PTPRU: variants seen among roughly 807,000 people sequenced by gnomAD.
PTPRU encodes the protein protein tyrosine phosphatase receptor type U.
A neutral mutation model predicts 166.3 loss-of-function variants in PTPRU; 69 were observed. The observed-to-expected ratio is 0.41, with a 90% CI of 0.34 to 0.51. The LOEUF (loss-of-function observed/expected upper bound fraction) is 0.51. PTPRU is among the 20% of genes least tolerant of loss of function. The pLI is 0.09. For missense variants in PTPRU, 1,657 were observed against 2,013.7 expected, an observed-to-expected ratio of 0.82 and a Z score of 3.39; for synonymous variants, 793 against 814.0, an observed-to-expected ratio of 0.97 and a Z score of 0.44.
At chr1:29,299,440 C>T (rs1235197681) in intron 15 of PTPRU, among the ~76,000 whole-genome samples, 1 of 152,162 alleles carries the variant, frequency 6.6e-6, no homozygotes, top group East Asian at 1.9e-4. Flanking sequence ...GACCTGTCCT[C>T]TCTGGGCCCA....
chr1:29,253,894 A>G (rs111292614), intron 1 of PTPRU, among the ~76,000 whole-genome samples: 104 of 152,230 alleles, frequency 6.8e-4, no homozygotes, highest in African/African-American at 2.4e-3. Flanking sequence ...TAAGTGGGCT[A>G]CTACATCAAA....
In PTPRU at chr1:29,280,899, T is replaced by C. The variant is rs563333288; in HGVS notation, c.1868+758T>C. ...TCATGGCAGCCCTGTGGCATGGGTATTATTACCTTCATTTTACATATCGGG... is the reference window on the plus strand; with the variant it reads ...TCATGGCAGCCCTGTGGCATGGGTACTATTACCTTCATTTTACATATCGGG... On this transcript the variant is annotated intron_variant, in intron 11 of 29. Coordinates refer to ENST00000373779, the MANE Select transcript of PTPRU (RefSeq NM_133178.4). This position sits in a 1 kb window ranked among gnomAD's most constrained non-coding sequence, Gnocchi z 4.2. Among the ~76,000 whole-genome samples, 3 of 152,244 alleles carry C rather than the reference T, an allele frequency of 2.0e-5. No homozygotes were observed. The highest frequency in any genetic ancestry group is 2.0e-4 in the Admixed American group (3 of 15,298).
chr1:29,267,704 C>T (rs1685365421), intron 7 of PTPRU, among the ~76,000 whole-genome samples: 1 of 152,064 alleles, frequency 6.6e-6, no homozygotes, highest in Admixed American at 6.5e-5. Flanking sequence ...GACTTAGAGC[C>T]GTTGTACACA....
chr1:29,290,526 G>A (rs546246183), intron 14 of PTPRU, among the ~76,000 whole-genome samples: 2 of 152,316 alleles, frequency 1.3e-5, no homozygotes, highest in East Asian at 3.9e-4. Context: ...CCCTGTGCTG[G>A]TTTTCCCTCC....
At chr1:29,297,135 C>T (rs1461772103) in intron 15 of PTPRU, among the ~76,000 whole-genome samples, 1 of 145,720 alleles carries the variant, frequency 6.9e-6, no homozygotes. Context: ...CTCACTGCAA[C>T]CCTCTGCCTC....
In PTPRU at chr1:29,325,632, G is replaced by A. The variant is rs1028761673; in HGVS notation, c.4282G>A (p.Glu1428Lys). 3.1e-6 allele frequency: 5 copies of A among 1,612,140 alleles called. No homozygotes were observed. The highest frequency in any genetic ancestry group is 4.2e-6 in the Non-Finnish European group (5 of 1,178,844). The stretch of plus-strand genomic sequence containing the variant: ...CCACTTTTGCTACGATGTGGCCCTG[G>A]AGTACTTGGAGGGGCTGGAGTCAAG... The part of the protein sequence containing the change: ...QYHFCYDVAL[E>K]YLEGLESR Residue 1428 changes from glutamate (E) to lysine (K), a missense_variant, in exon 30 of 30, where the codon GAG (glutamate) becomes AAG (lysine). Glu to Lys is a moderately conservative substitution (Grantham distance 56). This residue lies in a region of PTPRU where 1,190 missense variants were observed against 1,477.4 expected (regional missense o/e 0.81). Coordinates refer to ENST00000373779, the MANE Select transcript of PTPRU (RefSeq NM_133178.4).
chr1:29,259,600 T>TGTGGGGGGGGGGGGGGGGG, intron 5 of PTPRU, 36 bp downstream of exon 5: 1 of 253,694 alleles, frequency 3.9e-6, no homozygotes, highest in Non-Finnish European at 7.7e-6. Context: ...GGGGGCGGGG[T>TGTGGGGGGGGGGGGGGGGG]GGGAGGGGGT....
chr1:29,300,380 A>C (rs1201324658), intron 15 of PTPRU, among the ~76,000 whole-genome samples: 6 of 152,232 alleles, frequency 3.9e-5, no homozygotes, highest in Admixed American at 1.3e-4. Context: ...AAGCCCCGAG[A>C]GGTCTTGCAG....
intron 14 of PTPRU, among the ~76,000 whole-genome samples, chr1:29,287,110 C>G (rs930092306): frequency 7.2e-5 from 11 of 152,202 alleles, no homozygotes; most frequent in African/African-American, 2.6e-4. Flanking sequence ...AGTTACCACG[C>G]CCCCAGGAGG....
At chr1:29,256,997 A>G (rs1684799585) in intron 2 of PTPRU, among the ~76,000 whole-genome samples, 1 of 151,648 alleles carries the variant, frequency 6.6e-6, no homozygotes, top group African/African-American at 2.4e-5. Context: ...CATTCTAGGA[A>G]TGGGAGCTGG....
chr1:29,311,536 C>T lies in PTPRU; in HGVS notation c.2938C>T (p.Leu980=), dbSNP rs745899276. The change falls in exon 20 of 30, where the codon CTG becomes TTG. Residue 980 remains leucine (L), a synonymous_variant. Transcript: ENST00000373779. The surrounding 1 kb of genome is among the most constrained non-coding windows in gnomAD (Gnocchi z 4.1). ...HCSSIVMITK[L]VEVGRVKCSR... is the part of the protein sequence containing the mutation. ...TTCCAGCATCGTCATGATCACCAAG[C>T]TGGTCGAGGTGGGCAGGGTAAGCCG... is the stretch of plus-strand genomic sequence containing the variant. 3 of 1,614,188 alleles carry T rather than the reference C, an allele frequency of 1.9e-6. No individual in the cohort carries two copies. The highest frequency in any genetic ancestry group is 4.5e-5 in the East Asian group (2 of 44,886).
chr1:29,322,016 T>C lies in PTPRU; in HGVS notation c.3828+1191T>C, dbSNP rs2151971494. ...TGCTGGGCCCAGGGGGCTAGGAAGA[T>C]TTGCTGTAAAATGAGTACAACAGCT... On this transcript the variant is annotated intron_variant, in intron 26 of 29. Transcript: ENST00000373779. Among the ~76,000 whole-genome samples, 2 of 152,354 alleles carry C rather than the reference T, an allele frequency of 1.3e-5. 1 individual carries two copies. Among genetic ancestry groups the C allele is most frequent in the South Asian group, 4.1e-4 (2 of 4,826 alleles).
intron 1 of PTPRU, among the ~76,000 whole-genome samples, chr1:29,240,664 C>G (rs1347361889): frequency 6.6e-6 from 1 of 152,188 alleles, no homozygotes; most frequent in Non-Finnish European, 1.5e-5. Flanking sequence ...CAGCCCCTCC[C>G]CCAGGCTCTG....
intron 25 of PTPRU, among the ~76,000 whole-genome samples, chr1:29,319,255 C>T (rs1688040080): frequency 6.6e-6 from 1 of 152,190 alleles, no homozygotes; most frequent in Admixed American, 6.5e-5. Flanking sequence ...CTGTGCCCTC[C>T]CGCCCAGCCC....
chr1:29,260,750 T>C lies in PTPRU; in HGVS notation c.991T>C (p.Trp331Arg). Residue 331 changes from tryptophan (W) to arginine (R), a missense_variant, in exon 7 of 30, where the codon TGG becomes CGG. Physicochemically the swap from Trp to Arg is moderately radical, Grantham distance 101 (BLOSUM62 -3). Transcript: ENST00000373779. This position sits in a 1 kb window ranked among gnomAD's most constrained non-coding sequence, Gnocchi z 8.3. Reference sequence around the variant, plus strand: ...TGAGTACCGCATGGCGCGCGGGCCCTGGGCTGAGGTGCACGCCGTCAGCCT... The same window carrying C: ...TGAGTACCGCATGGCGCGCGGGCCCCGGGCTGAGGTGCACGCCGTCAGCCT... The part of the protein sequence containing the change: ...EIEYRMARGP[W>R]AEVHAVSLQT... 6.2e-7 allele frequency: 1 copy of C among 1,612,060 alleles called. No homozygotes were observed. The highest frequency in any genetic ancestry group is 8.5e-7 in the Non-Finnish European group (1 of 1,179,128).
Position 29,282,669 on chromosome 1 carries a change from T to C in PTPRU, c.1869-7T>C, listed in dbSNP as rs774947675. 8 of 1,611,120 alleles carry C rather than the reference T, an allele frequency of 5.0e-6. No individual in the cohort carries two copies. The highest frequency in any genetic ancestry group is 6.8e-6 in the Non-Finnish European group (8 of 1,179,410). On this transcript the variant is annotated splice_region_variant and splice_polypyrimidine_tract_variant and intron_variant, in intron 11 of 29. Coordinates refer to ENST00000373779, the MANE Select transcript of PTPRU (RefSeq NM_133178.4). ...GTGATCCCCTGTACGCTCTCCTCCC[T>C]GTCCAGTGTGTACCAGGTGATTGTG... is the stretch of plus-strand genomic sequence containing the variant.
At position 29,259,242 on chromosome 1, in the gene PTPRU, G is replaced by T. The variant is rs746197983; in HGVS notation, c.478-19G>T. On this transcript the variant is annotated intron_variant, in intron 3 of 29. Transcript: ENST00000373779. ...CTGGAGGAATATCAGTATGATAGGGGCCCTCCCGCCTCCCCCAGGTGCTGT... is the reference window on the plus strand; with the variant it reads ...CTGGAGGAATATCAGTATGATAGGGTCCCTCCCGCCTCCCCCAGGTGCTGT... 2 of 1,607,400 alleles carry T rather than the reference G, an allele frequency of 1.2e-6. No homozygotes were observed. The highest frequency in any genetic ancestry group is 2.2e-5 in the South Asian group (2 of 90,706).
At chr1:29,252,572 T>C (rs1383648996) in intron 1 of PTPRU, among the ~76,000 whole-genome samples, 1 of 152,056 alleles carries the variant, frequency 6.6e-6, no homozygotes, top group Non-Finnish European at 1.5e-5. Context: ...CTGGCCTGGG[T>C]GTGTTTTTCA....
chr1:29,291,951 A>T lies in PTPRU; in HGVS notation c.2401A>T (p.Thr801Ser), dbSNP rs1686657105. 1 of 1,614,040 alleles carries T rather than the reference A, an allele frequency of 6.2e-7. No homozygotes were observed. The highest frequency in any genetic ancestry group is 1.3e-5 in the African/African-American group (1 of 74,910). Residue 801 changes from threonine (T) to serine (S), a missense_variant, in exon 15 of 30, where the codon ACA (threonine) becomes TCA (serine). Coordinates refer to ENST00000373779, the MANE Select transcript of PTPRU (RefSeq NM_133178.4). The surrounding 1 kb of genome is among the most constrained non-coding windows in gnomAD (Gnocchi z 4.1). ...HMMSAVDRSF[T>S]DQSTLQEDER... ...GATGAGCGCCGTGGACCGCAGCTTCACAGACCAGAGCACCCTGCAGGAGGA... is the reference window on the plus strand; with the variant it reads ...GATGAGCGCCGTGGACCGCAGCTTCTCAGACCAGAGCACCCTGCAGGAGGA...
Sources: allele counts gnomAD v4.1 joint callset (sites outside exome capture counted in the v4.1 genomes callset), GRCh38; gene constraint gnomAD v4.1.1; regional missense constraint gnomAD v4.1.1; non-coding constraint Gnocchi (gnomAD v3.1); transcripts MANE v1.5; gene names NCBI Gene and HGNC (gene_info 2026-07-23, HGNC 2026-07-21).